LRP1B: variants seen among roughly 807,000 people sequenced by gnomAD.
The protein encoded by LRP1B is low-density lipoprotein receptor-related protein 1B.
LRP1B carries 217 observed loss-of-function variants against 556.6 expected under a neutral mutation model. The observed-to-expected ratio is 0.39, with a 90% CI of 0.35 to 0.44. The LOEUF is 0.44. LRP1B is among the 20% of genes least tolerant of loss of function. The pLI is 1.00. For missense variants in LRP1B, 5,053 were observed against 5,620.8 expected, an observed-to-expected ratio of 0.90 and a Z score of 3.23; for synonymous variants, 2,047 against 1,865.8, an observed-to-expected ratio of 1.10 and a Z score of -2.50.
intron 35 of LRP1B, among the ~76,000 whole-genome samples, chr2:140,740,549 G>C (rs1688101565): frequency 6.6e-6 from 1 of 152,114 alleles, no homozygotes; most frequent in African/African-American, 2.4e-5. Flanking sequence ...ACTGCAAATA[G>C]GGTGCAGTGT....
At chr2:140,467,419 C>T (rs1160292634) in intron 60 of LRP1B, among the ~76,000 whole-genome samples, 2 of 150,876 alleles carry the variant, frequency 1.3e-5, no homozygotes, top group Non-Finnish European at 3.0e-5. Flanking sequence ...GCCTGGCCAA[C>T]ATGGTGAAAC....
intron 3 of LRP1B, among the ~76,000 whole-genome samples, chr2:141,264,053 A>T (rs1199969648): frequency 6.6e-6 from 1 of 152,226 alleles, no homozygotes; most frequent in East Asian, 1.9e-4. Flanking sequence ...AACTTCTCTT[A>T]CCATTTATAT....
At chr2:141,963,299 A>G (rs2105059007) in intron 1 of LRP1B, among the ~76,000 whole-genome samples, 1 of 151,926 alleles carries the variant, frequency 6.6e-6, no homozygotes, top group African/African-American at 2.4e-5. Flanking sequence ...GAATACATCA[A>G]TTTCAATTGT....
chr2:142,077,917 A>G (rs1269159795), intron 1 of LRP1B, among the ~76,000 whole-genome samples: 1 of 152,140 alleles, frequency 6.6e-6, no homozygotes, highest in Non-Finnish European at 1.5e-5. Flanking sequence ...TATTACTCGA[A>G]TATTTAAATA....
At chr2:140,292,631 T>C (rs1004729604) in intron 84 of LRP1B, among the ~76,000 whole-genome samples, 3 of 152,216 alleles carry the variant, frequency 2.0e-5, no homozygotes, top group African/African-American at 7.2e-5. Context: ...CTGAAGGTTC[T>C]AGTAGCCTCT....
chr2:141,916,584 G>C (rs1487593993), intron 1 of LRP1B, among the ~76,000 whole-genome samples: 1 of 141,360 alleles, frequency 7.1e-6, no homozygotes, highest in Non-Finnish European at 1.5e-5. Flanking sequence ...GGGTTTCACT[G>C]TGTTGGCCAG....
chr2:141,947,824 A>AAAAC (rs138845975), intron 1 of LRP1B, among the ~76,000 whole-genome samples: 66,367 of 148,908 alleles, frequency 0.45, 14,867 homozygotes, highest in Admixed American at 0.52. Context: ...CAGAAAAAAA[A>AAAAC]AACAACAATA....
intron 31 of LRP1B, among the ~76,000 whole-genome samples, chr2:140,821,504 T>C (rs1281601610): frequency 1.3e-5 from 2 of 152,134 alleles, no homozygotes; most frequent in African/African-American, 4.8e-5. Context: ...ATGCATAATA[T>C]TGAACAAGGA....
At chr2:141,237,209 C>T (rs947646057) in intron 5 of LRP1B, among the ~76,000 whole-genome samples, 1 of 151,940 alleles carries the variant, frequency 6.6e-6, no homozygotes, top group Admixed American at 6.6e-5. Context: ...AGATGTGGGT[C>T]ATGGGGATAA....
chr2:141,589,742 C>T (rs538667179), intron 2 of LRP1B, among the ~76,000 whole-genome samples: 1 of 152,272 alleles, frequency 6.6e-6, no homozygotes, highest in African/African-American at 2.4e-5. Flanking sequence ...TGTCAACAAT[C>T]ATGAGGTTGT....
chr2:141,831,404 G>C (rs1697107575), intron 1 of LRP1B, among the ~76,000 whole-genome samples: 1 of 151,510 alleles, frequency 6.6e-6, no homozygotes, highest in Non-Finnish European at 1.5e-5. Flanking sequence ...TTAAAAGTCA[G>C]TTCTGGGAGA....
intron 2 of LRP1B, among the ~76,000 whole-genome samples, chr2:141,574,583 A>G (rs1050137947): frequency 4.9e-4 from 75 of 152,154 alleles, no homozygotes; most frequent in African/African-American, 1.8e-3. Flanking sequence ...CCTATTCAAC[A>G]TAGTATTGGA....
At chr2:140,807,729 G>A (rs1036077064) in intron 32 of LRP1B, among the ~76,000 whole-genome samples, 3 of 152,026 alleles carry the variant, frequency 2.0e-5, no homozygotes, top group Non-Finnish European at 2.9e-5. Flanking sequence ...AAGAGAAAAG[G>A]TTGTCAATAT....
At chr2:141,993,507 T>C (rs1397717466) in intron 1 of LRP1B, among the ~76,000 whole-genome samples, 1 of 152,140 alleles carries the variant, frequency 6.6e-6, no homozygotes, top group Non-Finnish European at 1.5e-5. Context: ...AAAAGAAATC[T>C]GGGAAATGCC....
chr2:141,550,576 G>A (rs942789268), intron 2 of LRP1B, among the ~76,000 whole-genome samples: 1 of 151,916 alleles, frequency 6.6e-6, no homozygotes, highest in Non-Finnish European at 1.5e-5. Flanking sequence ...TTATCCAAAG[G>A]CTTCAAATTA....
At position 141,093,088 on chromosome 2, in the gene LRP1B, C is replaced by T. The variant is rs187040350; in HGVS notation, c.1014-30815G>A. Among the ~76,000 whole-genome samples the T allele has an allele frequency of 3.1e-4, 46 of 149,120 alleles. 1 individual carries two copies. The East Asian group carries it at 4.3e-3, about 14-fold the overall frequency. ...TAACACATTAGGGGAAATTATGGCA[C>T]GATAGTCATCTATGGGAATGATAAA... On this transcript the variant is annotated intron_variant, in intron 7 of 90. Coordinates refer to ENST00000389484, the MANE Select transcript of LRP1B (RefSeq NM_018557.3).
At chr2:141,171,111 G>A (rs1000896265) in intron 7 of LRP1B, among the ~76,000 whole-genome samples, 4 of 152,040 alleles carry the variant, frequency 2.6e-5, no homozygotes, top group African/African-American at 9.7e-5. Flanking sequence ...CTCACTGGCA[G>A]TTTCTCCTAT....
At chr2:140,265,638 C>G (rs888962069) in intron 86 of LRP1B, among the ~76,000 whole-genome samples, 2 of 151,900 alleles carry the variant, frequency 1.3e-5, no homozygotes, top group African/African-American at 4.8e-5. Context: ...AATATATTAC[C>G]AACAAAAATA....
At chr2:141,706,820 C>A (rs189875881) in intron 2 of LRP1B, among the ~76,000 whole-genome samples, 71 of 152,112 alleles carry the variant, frequency 4.7e-4, no homozygotes, top group African/African-American at 1.6e-3. Context: ...ATTACATCTA[C>A]AAATTAATAC....
Sources: gnomAD v4.1 joint callset for allele counts (sites outside exome capture counted in the v4.1 genomes callset) on GRCh38, gnomAD v4.1.1 for gene constraint, MANE v1.5 for transcripts, NCBI Gene and HGNC (gene_info 2026-07-23, HGNC 2026-07-21) for gene names.